Variants in SLC9A7 observed in about 807,000 individuals in gnomAD.
The protein encoded by SLC9A7 is solute carrier family 9 member A7, also known as sodium/hydrogen exchanger 7.
A neutral mutation model predicts 52.6 loss-of-function variants in SLC9A7; 19 were observed. The ratio of observed to expected loss-of-function variants is 0.36; its 90% CI spans 0.25 to 0.53. The LOEUF is 0.53. Among genes scored for constraint, SLC9A7 ranks in the 20% least tolerant of loss-of-function variants. The probability of loss-of-function intolerance (pLI) is 0.91; values close to 1 mark genes in which losing one functional copy is unlikely to be tolerated. For missense variants in SLC9A7, 455 were observed against 597.9 expected (o/e 0.76, Z 2.49); for synonymous variants, 226 against 252.1 (o/e 0.90, Z 0.98).
chrX:46,755,476 C>A (rs187115174), intron 1 of SLC9A7, among the ~76,000 whole-genome samples: 7 of 110,961 alleles, frequency 6.3e-5, no homozygotes, highest in African/African-American at 9.8e-5. Context: ...AAATTGATAA[C>A]ATAATGTGAT....
At chrX:46,698,613 A>G (rs1366865689) in intron 1 of SLC9A7, among the ~76,000 whole-genome samples, 1 of 112,190 alleles carries the variant, frequency 8.9e-6, no homozygotes, top group East Asian at 2.8e-4. Context: ...CCCCTACTGC[A>G]TATGGACACC....
chrX:46,664,501 T>A (rs1452173212), intron 5 of SLC9A7, among the ~76,000 whole-genome samples: 1 of 111,717 alleles, frequency 9.0e-6, no homozygotes, highest in Non-Finnish European at 1.9e-5. Context: ...GCCAAACAAA[T>A]GTTCAGTTTA....
At chrX:46,682,741 G>A (rs753943505) in intron 1 of SLC9A7, among the ~76,000 whole-genome samples, 41 of 110,655 alleles carry the variant, frequency 3.7e-4, no homozygotes, top group Non-Finnish European at 6.4e-4. Context: ...TAAGTTGCTC[G>A]GCCACCAGGA....
In SLC9A7 at chrX:46,685,895, T is replaced by C. The variant is rs1270949118; in HGVS notation, c.326-3360A>G. 3.6e-5 allele frequency among the ~76,000 whole-genome samples: 4 copies of C among 111,986 alleles called. No homozygotes were observed. In the South Asian group the frequency reaches 1.5e-3, roughly 42 times the overall value. On this transcript the variant is annotated intron_variant, in intron 1 of 16. Transcript: ENST00000616978. Reference sequence around the variant, plus strand: ...GCCAAAACAAGTCATTTACAGACTATCTTTCTCCTAAAAATCAGAACCTGC... The same window carrying C: ...GCCAAAACAAGTCATTTACAGACTACCTTTCTCCTAAAAATCAGAACCTGC...
chrX:46,698,238 T>TC (rs1944477756), intron 1 of SLC9A7, among the ~76,000 whole-genome samples: 1 of 111,745 alleles, frequency 8.9e-6, no homozygotes, highest in Non-Finnish European at 1.9e-5. Context: ...ACACACTCCC[T>TC]CCCCTTTTGA....
At chrX:46,663,136 C>A (rs1437730730) in intron 5 of SLC9A7, among the ~76,000 whole-genome samples, 1 of 111,054 alleles carries the variant, frequency 9.0e-6, no homozygotes, top group Non-Finnish European at 1.9e-5. Context: ...GAGTTTGAGA[C>A]CAGCCTGACC....
At chrX:46,714,827 A>G (rs1019151864) in intron 1 of SLC9A7, among the ~76,000 whole-genome samples, 5 of 112,008 alleles carry the variant, frequency 4.5e-5, no homozygotes, top group Non-Finnish European at 9.4e-5. Context: ...GAAAGGGTTA[A>G]GGAGTGTAGT....
At chrX:46,709,989 C>A (rs1452821149) in intron 1 of SLC9A7, among the ~76,000 whole-genome samples, 1 of 112,279 alleles carries the variant, frequency 8.9e-6, no homozygotes, top group African/African-American at 3.2e-5. Context: ...CCAGAGAAGA[C>A]AATGGAATAC....
chrX:46,728,267 C>T (rs913282110), intron 1 of SLC9A7, among the ~76,000 whole-genome samples: 1 of 110,953 alleles, frequency 9.0e-6, no homozygotes, highest in Non-Finnish European at 1.9e-5. Context: ...ACTTATCTGA[C>T]GAAGGATTGG....
At position 46,752,448 on chromosome X, in the gene SLC9A7, T is replaced by C. The variant is rs1206529700; in HGVS notation, c.325+6257A>G. ...TTTGACCTCCCTTAATCTAGAACAC[T>C]CACCCTGCCTTTTTGTTTCCTTTGA... On this transcript the variant is annotated intron_variant, in intron 1 of 16. Transcript: ENST00000616978. Among the ~76,000 whole-genome samples the C allele has an allele frequency of 9.0e-5, 10 of 111,645 alleles. No individual in the cohort carries two copies. In the Admixed American group the frequency reaches 9.6e-4, roughly 11 times the overall value.
Position 46,607,135 on chromosome X carries a change from G to A in SLC9A7, c.1998C>T (p.Tyr666=), listed in dbSNP as rs1444255492. ...ILTEGDLTLT[Y]GDSTVTANGS... ...CATTTGCAGTCACTGTGCTGTCCCC[G>A]TAGGTCAATGTCAGGTCGCCTTCGG... is the stretch of plus-strand genomic sequence containing the variant. Residue 666 remains tyrosine (Y), a synonymous_variant, in exon 17 of 17, where the codon TAC becomes TAT. Coordinates refer to ENST00000616978, the MANE Select transcript of SLC9A7 (RefSeq NM_001257291.2). 3.3e-6 allele frequency: 4 copies of A among 1,209,013 alleles called. No homozygotes were observed. The highest frequency in any genetic ancestry group is 1.8e-5 in the African/African-American group (1 of 56,984).
chrX:46,727,148 G>C (rs767291559), intron 1 of SLC9A7, among the ~76,000 whole-genome samples: 5 of 111,688 alleles, frequency 4.5e-5, no homozygotes, highest in Non-Finnish European at 9.4e-5. Flanking sequence ...GGGCAATCAA[G>C]GTCCCCCACA....
chrX:46,671,032 G>A (rs1305894456), intron 4 of SLC9A7, among the ~76,000 whole-genome samples: 1 of 111,719 alleles, frequency 9.0e-6, no homozygotes, highest in African/African-American at 3.3e-5. Flanking sequence ...ATCTCTTAAA[G>A]GATAAGTCAA....
intron 2 of SLC9A7, 120 bp from the exon 3 acceptor site, chrX:46,679,875 A>C: frequency 2.1e-6 from 1 of 477,649 alleles, no homozygotes; most frequent in Non-Finnish European, 3.6e-6. Context: ...AACAACATAA[A>C]TGTGAAAAAT....
Position 46,606,080 on chromosome X carries a change from G to T in SLC9A7, c.*872C>A. ...TGAGGCAGGAGAATCACTTGAACCC[G>T]TGAGGCAGAGGTTGCAGTGAGCCAA... is the stretch of plus-strand genomic sequence containing the variant. On this transcript the variant is annotated 3_prime_UTR_variant, in exon 17 of 17. Coordinates refer to ENST00000616978, the MANE Select transcript of SLC9A7 (RefSeq NM_001257291.2). The T allele has an allele frequency of 1.3e-5, 2 of 157,754 alleles. No homozygotes were observed. Among genetic ancestry groups the T allele is most frequent in the Non-Finnish European group, 2.1e-5 (2 of 94,443 alleles). 13.0% of individuals were successfully genotyped at this position (157,754 alleles called of 1,213,427 possible).
In SLC9A7 at chrX:46,725,425, G is replaced by A. The variant is rs148219740; in HGVS notation, c.325+33280C>T. On this transcript the variant is annotated intron_variant, in intron 1 of 16. Coordinates refer to ENST00000616978, the MANE Select transcript of SLC9A7 (RefSeq NM_001257291.2). The stretch of plus-strand genomic sequence containing the variant: ...TCCATCATATCCTCTAGCTGGTCTC[G>A]TAAATCCTCAATCTGGTCGATTTTC... 5.0e-4 allele frequency: 578 copies of A among 1,150,092 alleles called. 3 individuals are homozygous for A. Among genetic ancestry groups the A allele is most frequent in the Non-Finnish European group, 5.3e-4 (446 of 840,846 alleles). 94.8% of individuals were successfully genotyped at this position (1,150,092 alleles called of 1,213,427 possible). A position where few individuals can be genotyped will look rare whatever the true frequency, so the allele number is the denominator to read the frequency against.
At chrX:46,651,854 GAAA>G (rs747259653) in intron 8 of SLC9A7, among the ~76,000 whole-genome samples, 3 of 78,698 alleles carry the variant, frequency 3.8e-5, no homozygotes, top group South Asian at 5.8e-4. Flanking sequence ...AAAAGAAAAA[GAAA>G]AAAAAGAAAA....
intron 1 of SLC9A7, among the ~76,000 whole-genome samples, chrX:46,701,747 G>A (rs1441736802): frequency 9.0e-6 from 1 of 111,531 alleles, no homozygotes; most frequent in African/African-American, 3.3e-5. Flanking sequence ...TGTTCCTCAA[G>A]CCGGGCAGTG....
chrX:46,689,162 A>G (rs1285634006), intron 1 of SLC9A7, among the ~76,000 whole-genome samples: 5 of 111,972 alleles, frequency 4.5e-5, no homozygotes, highest in Non-Finnish European at 9.4e-5. Context: ...TTCATCCTAC[A>G]TATTAACCCC....
Sources: gnomAD v4.1 joint callset for allele counts (sites outside exome capture counted in the v4.1 genomes callset) on GRCh38, gnomAD v4.1.1 for gene constraint, MANE v1.5 for transcripts, NCBI Gene and HGNC (gene_info 2026-07-23, HGNC 2026-07-21) for gene names.